The following UBE2E3 variants were observed in gnomAD, a reference collection of about 807,000 sequenced individuals.
The protein encoded by UBE2E3 is ubiquitin conjugating enzyme E2 E3, also known as ubiquitin-conjugating enzyme E2 E3.
UBE2E3 carries 5 observed loss-of-function variants against 23.6 expected under a neutral mutation model. The observed-to-expected ratio is 0.21, with a 90% CI of 0.11 to 0.44. UBE2E3 has a LOEUF of 0.44. UBE2E3 is among the 20% of genes least tolerant of loss of function. The probability of loss-of-function intolerance (pLI) is 0.99; values close to 1 mark genes in which losing one functional copy is unlikely to be tolerated. For synonymous variants in UBE2E3, 78 were observed against 87.5 expected, an observed-to-expected ratio of 0.89 and a Z score of 0.60; for missense variants, 81 against 249.8, an observed-to-expected ratio of 0.32 and a Z score of 4.55.
intron 3 of UBE2E3, among the ~76,000 whole-genome samples, chr2:181,038,087 C>T (rs1686355914): frequency 6.6e-6 from 1 of 152,176 alleles, no homozygotes; most frequent in African/African-American, 2.4e-5. Context: ...TGCACAGATA[C>T]ATCCTACGCC....
At chr2:180,980,547 G>C (rs1440878512), upstream of UBE2E3, 1 of 148,304 alleles carries the variant, frequency 6.7e-6, no homozygotes, top group African/African-American at 2.4e-5. This position sits in a 1 kb window ranked among gnomAD's most constrained non-coding sequence, Gnocchi z 5.5. Flanking sequence ...CCTCCGCCAG[G>C]CAAGCAGCGA....
rs1362380843 is a variant in UBE2E3 at position 180,984,690 on chromosome 2, A to G, written c.245+597A>G. On this transcript the variant is annotated intron_variant, in intron 3 of 5. Transcript: ENST00000410062. Reference sequence around the variant, plus strand: ...ATTTTTAGTAATTTTGGTGGTTGGAATATGTGTATGAAAAGCAGTAAATGA... The same window carrying G: ...ATTTTTAGTAATTTTGGTGGTTGGAGTATGTGTATGAAAAGCAGTAAATGA... Among the ~76,000 whole-genome samples, 3 of 152,180 alleles carry G rather than the reference A, an allele frequency of 2.0e-5. No homozygotes were observed. The South Asian group carries it at 6.2e-4, about 31-fold the overall frequency.
intron 3 of UBE2E3, among the ~76,000 whole-genome samples, chr2:181,026,860 T>C (rs2105638000): frequency 7.0e-6 from 1 of 143,202 alleles, no homozygotes; most frequent in Non-Finnish European, 1.6e-5. Context: ...GGTCCAACTT[T>C]GATTATTGAT....
rs370133264 is a variant in UBE2E3 at position 180,983,992 on chromosome 2, A to G, written c.195-51A>G. 5 of 1,493,866 alleles carry G rather than the reference A, an allele frequency of 3.3e-6. No individual in the cohort carries two copies. In the African/African-American group the frequency reaches 6.9e-5, roughly 21 times the overall value. The allele number at this position is 1,493,866 out of a possible 1,614,324, so 92.5% of individuals were successfully genotyped here. On this transcript the variant is annotated intron_variant, in intron 2 of 5. Transcript: ENST00000410062. The stretch of plus-strand genomic sequence containing the variant: ...TAGAGGGCAGTGTAATTCCCTGGTT[A>G]TTCTGTAGACTATATCAAATCCTTT...
chr2:181,049,598 A>T (rs1253383110), intron 3 of UBE2E3, among the ~76,000 whole-genome samples: 1 of 152,072 alleles, frequency 6.6e-6, no homozygotes, highest in African/African-American at 2.4e-5. Context: ...GCCTTAAGAT[A>T]GACAAAGCAC....
At chr2:181,018,762 A>G (rs1024196106) in intron 3 of UBE2E3, among the ~76,000 whole-genome samples, 14 of 152,076 alleles carry the variant, frequency 9.2e-5, no homozygotes, top group African/African-American at 2.7e-4. Flanking sequence ...TGACCATAGT[A>G]TAATAATAAA....
rs1686648860 is a variant in UBE2E3, at chr2:181,045,516, GCTCTCCC to G, written c.246-12175_246-12169del. ...TTTTCCCCATTCTTTCTGCATATCT[GCTCTCCC>G]CGTCTCCAGTTGTTTTGAATCATGG... On this transcript the variant is annotated intron_variant, in intron 3 of 5. Transcript: ENST00000410062. Among the ~76,000 whole-genome samples the G allele has an allele frequency of 2.6e-5, 4 of 152,168 alleles. No homozygotes were observed. In the South Asian group the frequency reaches 8.3e-4, roughly 32 times the overall value.
chr2:181,002,551 A>T (rs1685020465), intron 3 of UBE2E3, among the ~76,000 whole-genome samples: 1 of 152,220 alleles, frequency 6.6e-6, no homozygotes, highest in African/African-American at 2.4e-5. Flanking sequence ...CCACGTATGT[A>T]ATTTTCAGTT....
intron 3 of UBE2E3, among the ~76,000 whole-genome samples, chr2:181,056,529 A>G (rs1203676881): frequency 1.3e-5 from 2 of 151,764 alleles, no homozygotes; most frequent in Non-Finnish European, 2.9e-5. Context: ...TCTTTTTAAC[A>G]ATGAGTTCTC....
intron 3 of UBE2E3, among the ~76,000 whole-genome samples, chr2:181,005,918 A>G (rs1685135361): frequency 6.6e-6 from 1 of 152,182 alleles, no homozygotes; most frequent in Non-Finnish European, 1.5e-5. Flanking sequence ...GTAGTCTTGA[A>G]CTGCTTCTGG....
intron 3 of UBE2E3, among the ~76,000 whole-genome samples, chr2:181,043,342 C>G (rs906709055): frequency 1.3e-5 from 2 of 152,164 alleles, no homozygotes; most frequent in Non-Finnish European, 2.9e-5. Context: ...ACCAGATTGT[C>G]CACATGAGTG....
intron 3 of UBE2E3, among the ~76,000 whole-genome samples, chr2:181,016,507 A>G (rs528736124): frequency 3.3e-5 from 5 of 152,238 alleles, no homozygotes; most frequent in Admixed American, 3.3e-4. Flanking sequence ...TTTAATATGT[A>G]ACACCCTATG....
intron 3 of UBE2E3, among the ~76,000 whole-genome samples, chr2:181,040,841 G>T (rs1297771584): frequency 6.6e-6 from 1 of 152,176 alleles, no homozygotes; most frequent in Admixed American, 6.5e-5. Flanking sequence ...CAGAGAGTTA[G>T]ACTGTGCAGT....
At chr2:180,983,962 G>C (rs1287397074) in intron 2 of UBE2E3, 81 bp from the exon 3 acceptor site, 1 of 1,100,092 alleles carries the variant, frequency 9.1e-7, no homozygotes, top group Non-Finnish European at 1.3e-6. Context: ...TTAACTGCAT[G>C]GTGGTAGAGG....
chr2:181,017,741 T>C (rs1685541680), intron 3 of UBE2E3, among the ~76,000 whole-genome samples: 1 of 149,446 alleles, frequency 6.7e-6, no homozygotes, highest in African/African-American at 2.5e-5. Flanking sequence ...TTTCCTAATT[T>C]GTTTAAGTAA....
intron 3 of UBE2E3, among the ~76,000 whole-genome samples, chr2:180,989,503 A>G (rs1684587455): frequency 1.3e-5 from 2 of 152,168 alleles, no homozygotes; most frequent in Non-Finnish European, 1.5e-5. Flanking sequence ...TAACCTATTC[A>G]AAGTTTACCT....
intron 3 of UBE2E3, among the ~76,000 whole-genome samples, chr2:181,052,736 A>G (rs1303302783): frequency 6.6e-6 from 1 of 151,714 alleles, no homozygotes; most frequent in Non-Finnish European, 1.5e-5. Context: ...ATCAAGACCT[A>G]GTTTTTAATC....
intron 3 of UBE2E3, among the ~76,000 whole-genome samples, chr2:180,986,367 A>C (rs1272381126): frequency 6.6e-6 from 1 of 152,136 alleles, no homozygotes; most frequent in Non-Finnish European, 1.5e-5. Context: ...TTTGTCTTCA[A>C]ATTCTTGTGG....
intron 3 of UBE2E3, among the ~76,000 whole-genome samples, chr2:181,000,348 T>G (rs1233748606): frequency 2.0e-5 from 3 of 152,166 alleles, no homozygotes; most frequent in African/African-American, 7.2e-5. Context: ...AATCTTACAT[T>G]TTGTAAAGGG....
Sources: allele counts gnomAD v4.1 joint callset (sites outside exome capture counted in the v4.1 genomes callset), GRCh38; gene constraint gnomAD v4.1.1; non-coding constraint Gnocchi (gnomAD v3.1); transcripts MANE v1.5; gene names NCBI Gene and HGNC (gene_info 2026-07-23, HGNC 2026-07-21).